SSBP3: variants seen among roughly 807,000 people sequenced by gnomAD.
The protein encoded by SSBP3 is single-stranded DNA-binding protein 3.
SSBP3 carries 5 observed loss-of-function variants against 69.6 expected under a neutral mutation model. The observed-to-expected ratio is 0.07, with a 90% CI of 0.04 to 0.15. The LOEUF (loss-of-function observed/expected upper bound fraction) is 0.15. Among genes scored for constraint, SSBP3 ranks in the 10% least tolerant of loss-of-function variants. The pLI, the probability that SSBP3 is intolerant of heterozygous loss-of-function variation, is 1.00. For missense variants in SSBP3, 312 were observed against 534.0 expected (o/e 0.58, Z 4.10); for synonymous variants, 196 against 193.4 (o/e 1.01, Z -0.11).
intron 5 of SSBP3, among the ~76,000 whole-genome samples, chr1:54,263,425 GCTCTGAGC>G (rs1645049239): frequency 1.3e-5 from 2 of 152,176 alleles, no homozygotes; most frequent in African/African-American, 4.8e-5. Context: ...TTTCCCAACG[GCTCTGAGC>G]CTCACTGCCC....
intron 4 of SSBP3, among the ~76,000 whole-genome samples, chr1:54,365,881 G>A (rs777499569): frequency 2.6e-4 from 39 of 152,156 alleles, no homozygotes; most frequent in Admixed American, 7.9e-4. Flanking sequence ...CTCAAATCCT[G>A]TCTCAGCCAC....
At position 54,370,515 on chromosome 1, in the gene SSBP3, A is replaced by T. The variant is rs118149971; in HGVS notation, c.276+31346T>A. Among the ~76,000 whole-genome samples the T allele has an allele frequency of 1.5e-4, 23 of 152,278 alleles. No homozygotes were observed. The East Asian group carries it at 3.7e-3, about 24-fold the overall frequency. ...TTTACCATCTGTCCTGTGCACCATC[A>T]CTAGCCTTCAGATTGGATTTTTACT... On this transcript the variant is annotated intron_variant, in intron 4 of 17. Coordinates refer to ENST00000610401, the Ensembl canonical transcript of SSBP3.
At chr1:54,377,325 A>G (rs2100705323) in intron 4 of SSBP3, among the ~76,000 whole-genome samples, 1 of 152,386 alleles carries the variant, frequency 6.6e-6, no homozygotes, top group African/African-American at 2.4e-5. Context: ...GTAAACCCGA[A>G]GGGCAGGAGT....
rs191551396 is a variant in SSBP3 at position 54,310,005 on chromosome 1, A to G, written c.277-28478T>C. 2.2e-4 allele frequency among the ~76,000 whole-genome samples: 34 copies of G among 152,304 alleles called. 1 individual carries two copies. The East Asian group carries it at 5.8e-3, about 26-fold the overall frequency. ...ACACAGCATGTAGGGAAGCCCGGGCAGGCTCCTTCTCCCTGCACACTTCCA... is the reference window on the plus strand; with the variant it reads ...ACACAGCATGTAGGGAAGCCCGGGCGGGCTCCTTCTCCCTGCACACTTCCA... On this transcript the variant is annotated intron_variant, in intron 4 of 17. Coordinates refer to ENST00000610401, the Ensembl canonical transcript of SSBP3.
intron 4 of SSBP3, among the ~76,000 whole-genome samples, chr1:54,357,341 G>C (rs1474773365): frequency 6.6e-6 from 1 of 152,142 alleles, no homozygotes; most frequent in Non-Finnish European, 1.5e-5. Context: ...CTGACAAAAA[G>C]CTAGGGGCTC....
At chr1:54,387,090 G>GC (rs1165901093) in intron 4 of SSBP3, among the ~76,000 whole-genome samples, 1 of 152,174 alleles carries the variant, frequency 6.6e-6, no homozygotes, top group Non-Finnish European at 1.5e-5. Context: ...TTCCTGGGAT[G>GC]CCAGTGTATG....
At chr1:54,256,737 A>G (rs1046194723) in intron 7 of SSBP3, among the ~76,000 whole-genome samples, 1 of 152,152 alleles carries the variant, frequency 6.6e-6, no homozygotes, top group African/African-American at 2.4e-5. Flanking sequence ...AAAAGCTTCC[A>G]GGAAAAAATG....
exon 17 of SSBP3, chr1:54,228,311 G>T (rs1374677092): frequency 6.2e-7 from 1 of 1,614,006 alleles, no homozygotes; most frequent in African/African-American, 1.3e-5. Flanking sequence ...TCATCTCGAG[G>T]GGTGCCTGGA....
chr1:54,262,430 A>G (rs888150029), intron 5 of SSBP3, among the ~76,000 whole-genome samples: 1 of 152,152 alleles, frequency 6.6e-6, no homozygotes, highest in Non-Finnish European at 1.5e-5. Context: ...AGCAAAGGGC[A>G]AAGTGGAATG....
chr1:54,318,786 A>G (rs1306409807), intron 4 of SSBP3, among the ~76,000 whole-genome samples: 3 of 152,138 alleles, frequency 2.0e-5, no homozygotes, highest in Admixed American at 6.5e-5. Flanking sequence ...TCCCACTACA[A>G]AGATATTCCA....
At chr1:54,372,848 C>T (rs1420152960) in intron 4 of SSBP3, among the ~76,000 whole-genome samples, 1 of 152,244 alleles carries the variant, frequency 6.6e-6, no homozygotes, top group Non-Finnish European at 1.5e-5. Context: ...GGCCACACAG[C>T]TGGAGAACGG....
At chr1:54,314,453 C>T (rs1646060394) in intron 4 of SSBP3, among the ~76,000 whole-genome samples, 1 of 152,242 alleles carries the variant, frequency 6.6e-6, no homozygotes, top group Non-Finnish European at 1.5e-5. Flanking sequence ...CTGTGGCCTG[C>T]AGTTGTGCCT....
intron 4 of SSBP3, among the ~76,000 whole-genome samples, chr1:54,355,521 G>A (rs1276375031): frequency 2.0e-5 from 3 of 152,034 alleles, no homozygotes; most frequent in Admixed American, 2.0e-4. Flanking sequence ...ACTAATTTTT[G>A]TATTTTTAGT....
chr1:54,279,740 A>G (rs1411714732), intron 5 of SSBP3, among the ~76,000 whole-genome samples: 1 of 152,262 alleles, frequency 6.6e-6, no homozygotes, highest in Non-Finnish European at 1.5e-5. Context: ...CATCTGCAGC[A>G]GCCAGGAAGA....
At chr1:54,390,321 C>A (rs1440964612) in intron 4 of SSBP3, among the ~76,000 whole-genome samples, 3 of 152,114 alleles carry the variant, frequency 2.0e-5, no homozygotes, top group Non-Finnish European at 4.4e-5. Context: ...AATGGTCAAC[C>A]TCCCATGAAG....
At chr1:54,278,579 G>T (rs1158447351) in intron 5 of SSBP3, among the ~76,000 whole-genome samples, 1 of 152,180 alleles carries the variant, frequency 6.6e-6, no homozygotes. Context: ...GCTTACCGAG[G>T]GGCTGGGATG....
intron 14 of SSBP3, 138 bp downstream of exon 14, chr1:54,238,991 A>C: frequency 1.3e-6 from 1 of 761,216 alleles, no homozygotes. Flanking sequence ...AGAGTTAATC[A>C]CTTTTCTGAC....
At chr1:54,381,002 T>A (rs182948122) in intron 4 of SSBP3, among the ~76,000 whole-genome samples, 1 of 151,454 alleles carries the variant, frequency 6.6e-6, no homozygotes, top group East Asian at 1.9e-4. Context: ...GGTACAAGCC[T>A]GTAATTCCAG....
At chr1:54,252,581 G>A (rs933556138) in intron 7 of SSBP3, among the ~76,000 whole-genome samples, 9 of 152,178 alleles carry the variant, frequency 5.9e-5, no homozygotes, top group Admixed American at 2.6e-4. Flanking sequence ...GGTACTAGAC[G>A]AGAACCCGGC....
Sources: allele counts gnomAD v4.1 joint callset (sites outside exome capture counted in the v4.1 genomes callset), GRCh38; gene constraint gnomAD v4.1.1; transcripts MANE v1.5; gene names NCBI Gene and HGNC (gene_info 2026-07-23, HGNC 2026-07-21).